Variants in ADAMTS9 observed in about 807,000 individuals in gnomAD.
The protein encoded by ADAMTS9 is ADAM metallopeptidase with thrombospondin type 1 motif 9, also known as A disintegrin and metalloproteinase with thrombospondin motifs 9.
A neutral mutation model predicts 257.1 loss-of-function variants in ADAMTS9; 107 were observed. The observed-to-expected ratio is 0.42, with a 90% CI of 0.36 to 0.49. The LOEUF (loss-of-function observed/expected upper bound fraction) is 0.49, where lower values mean the gene tolerates loss of function less well. ADAMTS9 is among the 20% of genes least tolerant of loss of function. ADAMTS9 has a pLI of 0.03. For missense variants in ADAMTS9, 2,353 were observed against 2,469.1 expected (o/e 0.95, Z 1.00); for synonymous variants, 982 against 880.9 (o/e 1.11, Z -2.03).
At chr3:64,636,211 A>G (rs1437295700) in intron 12 of ADAMTS9, among the ~76,000 whole-genome samples, 2 of 152,100 alleles carry the variant, frequency 1.3e-5, no homozygotes, top group African/African-American at 4.8e-5. Context: ...AACAGTTTCC[A>G]CCTTTGCTTG....
At chr3:64,528,330 ACG>A (rs1223052022) in intron 38 of ADAMTS9, among the ~76,000 whole-genome samples, 15 of 152,302 alleles carry the variant, frequency 9.8e-5, no homozygotes, top group Admixed American at 9.1e-4. Flanking sequence ...ACATTCCCAC[ACG>A]TTGGAGAGTT....
At chr3:64,588,743 T>C (rs1282899141) in intron 28 of ADAMTS9, 1 of 152,078 alleles carries the variant, frequency 6.6e-6, no homozygotes, top group Non-Finnish European at 1.5e-5. Flanking sequence ...TACCACAAAA[T>C]AGCATCAGAA....
At chr3:64,615,537 A>T (rs767787587) in intron 20 of ADAMTS9, 52 bp from the exon 21 acceptor site, 10 of 1,532,938 alleles carry the variant, frequency 6.5e-6, no homozygotes, top group Non-Finnish European at 8.8e-6. Context: ...CTTATAAAGT[A>T]TGCTGAAGAT....
chr3:64,669,107 C>T (rs377355047), intron 3 of ADAMTS9, among the ~76,000 whole-genome samples: 96 of 152,270 alleles, frequency 6.3e-4, no homozygotes, highest in African/African-American at 2.2e-3. Context: ...GCCACCTTCC[C>T]CAATACCCTG....
At chr3:64,548,451 G>T (rs2083229227) in intron 31 of ADAMTS9, among the ~76,000 whole-genome samples, 1 of 152,134 alleles carries the variant, frequency 6.6e-6, no homozygotes, top group African/African-American at 2.4e-5. Context: ...CCAAGCTGTG[G>T]GTAATCTTAG....
At chr3:64,517,331 T>G (rs1259088478) in intron 39 of ADAMTS9, among the ~76,000 whole-genome samples, 1 of 148,852 alleles carries the variant, frequency 6.7e-6, no homozygotes, top group Non-Finnish European at 1.5e-5. Flanking sequence ...AGCCTTGACC[T>G]CCTGGGCAAG....
Position 64,633,682 on chromosome 3 carries a change from C to T in ADAMTS9, c.2038+16G>A, listed in dbSNP as rs138098316. On this transcript the variant is annotated intron_variant, in intron 13 of 39. Coordinates refer to ENST00000498707, the MANE Select transcript of ADAMTS9 (RefSeq NM_182920.2). ...CCGGCCGGCCAACGGTGAACAGATA[C>T]ACCAGACACACTTACTTCCACTGTA... 8.7e-6 allele frequency: 14 copies of T among 1,613,732 alleles called. No homozygotes were observed. The East Asian group carries it at 2.9e-4, about 33-fold the overall frequency.
chr3:64,652,774 C>A (rs941862235), intron 8 of ADAMTS9, among the ~76,000 whole-genome samples: 2 of 152,100 alleles, frequency 1.3e-5, no homozygotes, highest in African/African-American at 4.8e-5. Context: ...CATTTAATCA[C>A]TTATTTTACC....
chr3:64,625,711 G>C (rs763563758), intron 16 of ADAMTS9, among the ~76,000 whole-genome samples: 3 of 152,170 alleles, frequency 2.0e-5, no homozygotes, highest in Non-Finnish European at 1.5e-5. Context: ...GAAGAATGTG[G>C]TGACACTGGG....
chr3:64,568,832 T>A (rs967019335), intron 28 of ADAMTS9: 2 of 288,516 alleles, frequency 6.9e-6, no homozygotes, highest in African/African-American at 4.5e-5. Context: ...GAAATTACCA[T>A]GAAATTCTGA....
rs142610616 is a variant in ADAMTS9, at chr3:64,555,677, C to G, written c.4699-4615G>C. ...ACACAACGGGGCAATTCCCATGATG[C>G]TGCAAAGGTGGGCCCAGGTAGCAGC... On this transcript the variant is annotated intron_variant, in intron 30 of 39. Coordinates refer to ENST00000498707, the MANE Select transcript of ADAMTS9 (RefSeq NM_182920.2). Among the ~76,000 whole-genome samples, 55 of 152,280 alleles carry G rather than the reference C, an allele frequency of 3.6e-4. No homozygotes were observed. In the East Asian group the frequency reaches 0.01, roughly 29 times the overall value.
chr3:64,574,327 G>A (rs952175384), intron 28 of ADAMTS9, among the ~76,000 whole-genome samples: 2 of 152,052 alleles, frequency 1.3e-5, no homozygotes, highest in Non-Finnish European at 2.9e-5. Flanking sequence ...GGTGGCTCAG[G>A]AGCTATTAGG....
chr3:64,653,083 A>G lies in ADAMTS9; in HGVS notation c.1316+1270T>C, dbSNP rs141706939. Among the ~76,000 whole-genome samples, 1,018 of 152,348 alleles carry G rather than the reference A, an allele frequency of 6.7e-3. 11 individuals carry two copies. The highest frequency in any genetic ancestry group is 0.023 in the African/African-American group (970 of 41,588). ...AAAAATCTGAGACAATCCAAAATCC[A>G]AAACACTTCTGGTCCCAAGCATTTG... is the stretch of plus-strand genomic sequence containing the variant. On this transcript the variant is annotated intron_variant, in intron 8 of 39. Transcript: ENST00000498707.
rs1255113082 is a variant in ADAMTS9, at chr3:64,541,180, G to A, written c.5436C>T (p.Asp1812=). ...CCGTGTAATCCTTCCGACATTGGCAGTCATCGCGCCGGCTCCCGTTATAGG... is the reference window on the plus strand; with the variant it reads ...CCGTGTAATCCTTCCGACATTGGCAATCATCGCGCCGGCTCCCGTTATAGG... The part of the protein sequence containing the change: ...ECPYNGSRRD[D]CQCRKDYTAA... The change falls in exon 36 of 40, where the codon GAC becomes GAT. Residue 1812 remains aspartate, a synonymous_variant. Transcript: ENST00000498707. 1.2e-6 allele frequency: 2 copies of A among 1,614,202 alleles called. No homozygotes were observed. The highest frequency in any genetic ancestry group is 3.3e-5 in the Admixed American group (2 of 60,030).
intron 8 of ADAMTS9, among the ~76,000 whole-genome samples, chr3:64,651,625 G>A (rs1700933572): frequency 6.6e-6 from 1 of 152,154 alleles, no homozygotes; most frequent in African/African-American, 2.4e-5. Context: ...CTCACTATGG[G>A]TCTTGGCATC....
intron 32 of ADAMTS9, among the ~76,000 whole-genome samples, chr3:64,545,671 T>C (rs1389180971): frequency 2.0e-5 from 3 of 152,128 alleles, no homozygotes; most frequent in Non-Finnish European, 2.9e-5. Flanking sequence ...GACGAGTTAA[T>C]AGGTGCAGCA....
intron 28 of ADAMTS9, chr3:64,587,392 T>G (rs1460057707): frequency 6.6e-6 from 1 of 152,332 alleles, no homozygotes; most frequent in East Asian, 1.9e-4. Context: ...AGAGATGTCC[T>G]GTTGCCTGAG....
chr3:64,600,954 C>A (rs1225813587), intron 26 of ADAMTS9, among the ~76,000 whole-genome samples: 1 of 152,122 alleles, frequency 6.6e-6, no homozygotes, highest in African/African-American at 2.4e-5. Context: ...AAAAAGAAGA[C>A]CCCTGAATAA....
At chr3:64,570,388 G>T (rs1246595250) in intron 28 of ADAMTS9, among the ~76,000 whole-genome samples, 1 of 152,160 alleles carries the variant, frequency 6.6e-6, no homozygotes, top group Non-Finnish European at 1.5e-5. Flanking sequence ...CTGGGGTCAG[G>T]CAGCAAAGCT....
Sources: gnomAD v4.1 joint callset for allele counts (sites outside exome capture counted in the v4.1 genomes callset) on GRCh38, gnomAD v4.1.1 for gene constraint, MANE v1.5 for transcripts, NCBI Gene and HGNC (gene_info 2026-07-23, HGNC 2026-07-21) for gene names.